KAT2B: variants seen among roughly 807,000 people sequenced by gnomAD.
KAT2B encodes the protein histone acetyltransferase KAT2B.
KAT2B carries 36 observed loss-of-function variants against 105.9 expected under a neutral mutation model. That is an observed-to-expected ratio of 0.34 (90% confidence interval 0.26 to 0.45). KAT2B has a LOEUF of 0.45. KAT2B is among the 20% of genes least tolerant of loss of function. KAT2B has a pLI of 1.00. For missense variants in KAT2B, 820 were observed against 1,021.6 expected (o/e 0.80, Z 2.69); for synonymous variants, 397 against 377.9 (o/e 1.05, Z -0.59).
Position 20,101,262 on chromosome 3 carries a change from A to C in KAT2B, c.670-25A>C, listed in dbSNP as rs11926387. On this transcript the variant is annotated intron_variant, in intron 4 of 17. Coordinates refer to ENST00000263754, the MANE Select transcript of KAT2B (RefSeq NM_003884.5). ...TTAGTATGATTGCATAGCTGCATGA[A>C]GAAATTGCCTTCCCTCTTTTTAAGG... 4.3e-3 allele frequency: 6,860 copies of C among 1,605,038 alleles called. 64 individuals are homozygous for C. The highest frequency in any genetic ancestry group is 0.026 in the African/African-American group (1,963 of 74,920).
chr3:20,118,743 A>G (rs1346707550), intron 7 of KAT2B, among the ~76,000 whole-genome samples: 2 of 143,552 alleles, frequency 1.4e-5, no homozygotes, highest in Non-Finnish European at 3.0e-5. Flanking sequence ...AAAAAAAAAA[A>G]AAAAGAGAGA....
intron 1 of KAT2B, among the ~76,000 whole-genome samples, chr3:20,062,661 C>T (rs564485061): frequency 6.6e-6 from 1 of 151,710 alleles, no homozygotes; most frequent in Non-Finnish European, 1.5e-5. Flanking sequence ...GGGGTTTCGC[C>T]TTGTTTGCCA....
At chr3:20,062,002 TATAATATATATTATATATAAAAC>T (rs1559513912) in intron 1 of KAT2B, among the ~76,000 whole-genome samples, 5 of 71,340 alleles carry the variant, frequency 7.0e-5, no homozygotes, top group Admixed American at 2.1e-4. Context: ...ATATAAAACA[TATAATATATATTATATATAAAAC>T]ATAATATATA....
chr3:20,135,552 G>A (rs962610378), intron 11 of KAT2B, among the ~76,000 whole-genome samples: 1 of 152,090 alleles, frequency 6.6e-6, no homozygotes, highest in African/African-American at 2.4e-5. Context: ...TATTCGGGAG[G>A]CTGAGGCAGG....
intron 9 of KAT2B, 178 bp downstream of exon 9, chr3:20,122,982 C>T: frequency 1.0e-6 from 1 of 972,904 alleles, no homozygotes; most frequent in Non-Finnish European, 1.2e-6. Context: ...AGGTAATTCC[C>T]CTTGATGAAT....
chr3:20,075,156 C>T (rs953326395), intron 2 of KAT2B, among the ~76,000 whole-genome samples: 2 of 151,784 alleles, frequency 1.3e-5, no homozygotes, highest in African/African-American at 2.4e-5. Flanking sequence ...CCCAGCTACT[C>T]GGGAGGCTGA....
chr3:20,152,184 T>C, intron 17 of KAT2B, 148 bp from the exon 18 acceptor site: 1 of 548,394 alleles, frequency 1.8e-6, no homozygotes, highest in South Asian at 3.1e-5. Flanking sequence ...ACTGTTTTCC[T>C]TGGTCATAAG....
chr3:20,059,580 C>T (rs1027208418), intron 1 of KAT2B, among the ~76,000 whole-genome samples: 6 of 148,274 alleles, frequency 4.0e-5, no homozygotes, highest in African/African-American at 1.3e-4. Context: ...TGGCGGGCGC[C>T]TGTAGTCCCA....
chr3:20,041,250 TC>T (rs926882684), intron 1 of KAT2B, among the ~76,000 whole-genome samples: 2 of 151,798 alleles, frequency 1.3e-5, no homozygotes, highest in African/African-American at 4.8e-5. Context: ...TGGAGAAGAC[TC>T]CCGGACTCCT....
In KAT2B at chr3:20,110,621, C is replaced by T. The variant is rs138526983; in HGVS notation, c.852-975C>T. Among the ~76,000 whole-genome samples, 1,361 of 141,548 alleles carry T rather than the reference C, an allele frequency of 9.6e-3. 11 individuals carry two copies. Among genetic ancestry groups the T allele is most frequent in the Non-Finnish European group, 0.012 (831 of 66,492 alleles). 92.9% of individuals were successfully genotyped at this position (141,548 alleles called of 152,430 possible). On this transcript the variant is annotated intron_variant, in intron 5 of 17. Transcript: ENST00000263754. ...CCAGGAGGTAGAGGTTGCAGTGAGCCGAGATTGTACCACTGCACTCCAGCC... is the reference window on the plus strand; with the variant it reads ...CCAGGAGGTAGAGGTTGCAGTGAGCTGAGATTGTACCACTGCACTCCAGCC...
At chr3:20,143,097 G>A (rs1393720130) in intron 13 of KAT2B, among the ~76,000 whole-genome samples, 2 of 152,046 alleles carry the variant, frequency 1.3e-5, no homozygotes, top group Admixed American at 1.3e-4. Flanking sequence ...TGGAGATGGG[G>A]AACTACTCCA....
intron 11 of KAT2B, among the ~76,000 whole-genome samples, chr3:20,133,523 A>T (rs1177729948): frequency 2.0e-5 from 3 of 152,156 alleles, no homozygotes; most frequent in Non-Finnish European, 1.5e-5. Context: ...CTTTTTATAC[A>T]GTATTTTATA....
At position 20,114,871 on chromosome 3, in the gene KAT2B, CT is replaced by C; in HGVS notation, c.1044-9del. 6.8e-7 allele frequency: 1 copy of C among 1,462,922 alleles called. No individual in the cohort carries two copies. The highest frequency in any genetic ancestry group is 1.2e-5 in the South Asian group (1 of 86,108). 90.6% of individuals were successfully genotyped at this position (1,462,922 alleles called of 1,614,324 possible). On this transcript the variant is annotated splice_polypyrimidine_tract_variant and intron_variant, in intron 6 of 17. Coordinates refer to ENST00000263754, the MANE Select transcript of KAT2B (RefSeq NM_003884.5). ...TTTTTTTAATCTTATTGCTATTACT[CT>C]TGTGTCTAGATTTCTGTCCATGCTA...
At chr3:20,132,819 AAATT>A (rs1174262530) in intron 11 of KAT2B, among the ~76,000 whole-genome samples, 3 of 152,228 alleles carry the variant, frequency 2.0e-5, no homozygotes, top group Admixed American at 1.3e-4. Context: ...TTCTTGAGTA[AAATT>A]AATTGGATTA....
intron 6 of KAT2B, among the ~76,000 whole-genome samples, chr3:20,113,653 A>T (rs1295223789): frequency 6.6e-6 from 1 of 152,210 alleles, no homozygotes; most frequent in Non-Finnish European, 1.5e-5. Context: ...TTGGCAGCAG[A>T]ACCACACATG....
In KAT2B at chr3:20,074,811, A is replaced by AT. The variant is rs1207542963; in HGVS notation, c.430+2355dup. 2.0e-5 allele frequency among the ~76,000 whole-genome samples: 3 copies of AT among 152,274 alleles called. No individual in the cohort carries two copies. The East Asian group carries it at 5.8e-4, about 29-fold the overall frequency. On this transcript the variant is annotated intron_variant, in intron 2 of 17. Transcript: ENST00000263754. ...CTGTCCCTGTGAGTATTGGTTCAGG[A>AT]TTTAAATACCCTGTGGAGGAGCTTG...
At chr3:20,092,821 C>T (rs554543904) in intron 2 of KAT2B, among the ~76,000 whole-genome samples, 1 of 152,158 alleles carries the variant, frequency 6.6e-6, no homozygotes, top group African/African-American at 2.4e-5. Context: ...CCTGCCTCAG[C>T]CTCCTGAGTA....
At chr3:20,062,404 T>TTATATAA (rs1559514692) in intron 1 of KAT2B, among the ~76,000 whole-genome samples, 2 of 91,606 alleles carry the variant, frequency 2.2e-5, no homozygotes, top group Non-Finnish European at 3.9e-5. Context: ...AAATTATATA[T>TTATATAA]TATATATTAT....
In KAT2B at chr3:20,136,933, TC is replaced by T; in HGVS notation, c.1750-7del. The T allele has an allele frequency of 1.3e-6, 2 of 1,518,776 alleles. No homozygotes were observed. Among genetic ancestry groups the T allele is most frequent in the Non-Finnish European group, 1.8e-6 (2 of 1,095,904 alleles). The allele number at this position is 1,518,776 out of a possible 1,614,324, so 94.1% of individuals were successfully genotyped here. On this transcript the variant is annotated splice_polypyrimidine_tract_variant and splice_region_variant and intron_variant, in intron 11 of 17. Coordinates refer to ENST00000263754, the MANE Select transcript of KAT2B (RefSeq NM_003884.5). ...TAATGTATTTGTTTGTATACTAACT[TC>T]CACACAGGGCTATGGAACACACCTG...
Sources: gnomAD v4.1 joint callset for allele counts (sites outside exome capture counted in the v4.1 genomes callset) on GRCh38, gnomAD v4.1.1 for gene constraint, MANE v1.5 for transcripts, NCBI Gene and HGNC (gene_info 2026-07-23, HGNC 2026-07-21) for gene names.